CHD6: variants seen among roughly 807,000 people sequenced by gnomAD.
CHD6 encodes the protein chromodomain helicase DNA binding protein 6.
Under a neutral mutation model 276.9 loss-of-function variants are expected in CHD6, and 50 were observed. The observed-to-expected ratio is 0.18, with a 90% CI of 0.14 to 0.23. CHD6 has a LOEUF of 0.23. Ranked by LOEUF, CHD6 falls within the 10% of genes least tolerant of loss-of-function variation. CHD6 has a pLI of 1.00. For missense variants in CHD6, 2,564 were observed against 3,365.8 expected, an observed-to-expected ratio of 0.76 and a Z score of 5.89; for synonymous variants, 1,173 against 1,229.3, an observed-to-expected ratio of 0.95 and a Z score of 0.96.
chr20:41,444,556 G>C (rs1303329987), intron 25 of CHD6, among the ~76,000 whole-genome samples: 1 of 152,200 alleles, frequency 6.6e-6, no homozygotes. Flanking sequence ...TCCAAGTTTT[G>C]AGTGGATTCC....
chr20:41,462,198 T>C (rs2042817807), intron 17 of CHD6, among the ~76,000 whole-genome samples: 1 of 152,234 alleles, frequency 6.6e-6, no homozygotes, highest in East Asian at 1.9e-4. Flanking sequence ...ATATTTTTAG[T>C]TCAAATTATG....
intron 1 of CHD6, among the ~76,000 whole-genome samples, chr20:41,569,395 A>G (rs981763024): frequency 6.6e-6 from 1 of 152,216 alleles, no homozygotes. Context: ...AACTCATACT[A>G]TATTAGCAAA....
At chr20:41,461,191 C>T (rs2048536133) in intron 17 of CHD6, among the ~76,000 whole-genome samples, 1 of 152,216 alleles carries the variant, frequency 6.6e-6, no homozygotes, top group South Asian at 2.1e-4. Context: ...TTTGATTTTA[C>T]AGGCTCATAG....
intron 6 of CHD6, among the ~76,000 whole-genome samples, chr20:41,498,811 A>ATGTATGTGTGTGTG (rs1555796111): frequency 1.0e-4 from 9 of 86,552 alleles, no homozygotes; most frequent in Non-Finnish European, 2.0e-4. Context: ...GTATGTATGT[A>ATGTATGTGTGTGTG]TGTGTGTGTG....
chr20:41,434,971 G>A lies in CHD6; in HGVS notation c.4068+2303C>T, dbSNP rs73123235. Among the ~76,000 whole-genome samples the A allele has an allele frequency of 9.9e-3, 1,509 of 152,134 alleles. 11 individuals carry two copies. The highest frequency in any genetic ancestry group is 0.019 in the Non-Finnish European group (1,267 of 67,998). ...TATACCAAGATATACCATACACTGG[G>A]CCATAAAACAAACTTAACAAATTTA... On this transcript the variant is annotated intron_variant, in intron 27 of 36. Coordinates refer to ENST00000373233, the MANE Select transcript of CHD6 (RefSeq NM_032221.5).
At chr20:41,451,244 G>A in intron 22 of CHD6, 139 bp from the exon 23 acceptor site, 2 of 674,858 alleles carry the variant, frequency 3.0e-6, no homozygotes, top group Non-Finnish European at 5.0e-6. Context: ...TTAGCCCACA[G>A]GTGGTGGTGG....
chr20:41,475,645 A>G (rs993867345), intron 16 of CHD6, among the ~76,000 whole-genome samples: 1 of 152,242 alleles, frequency 6.6e-6, no homozygotes, highest in Non-Finnish European at 1.5e-5. Flanking sequence ...TTGAGATTCA[A>G]TTAAAGAACA....
intron 17 of CHD6, among the ~76,000 whole-genome samples, chr20:41,459,968 C>T (rs2048494547): frequency 6.6e-6 from 1 of 152,140 alleles, no homozygotes. Flanking sequence ...ATGGCTTTGC[C>T]CAAAATGCTG....
At chr20:41,415,100 A>T in intron 34 of CHD6, 86 bp downstream of exon 34, 1 of 1,501,564 alleles carries the variant, frequency 6.7e-7, no homozygotes, top group Non-Finnish European at 8.9e-7. Context: ...TAAAAGATCC[A>T]CAAATTATTT....
intron 8 of CHD6, among the ~76,000 whole-genome samples, 155 bp from the exon 9 acceptor site, chr20:41,494,099 A>G (rs987054048): frequency 6.6e-6 from 1 of 152,244 alleles, no homozygotes; most frequent in African/African-American, 2.4e-5. Flanking sequence ...GCATTTATTC[A>G]CTGTCTCCAA....
intron 27 of CHD6, 90 bp from the exon 28 acceptor site, chr20:41,426,243 C>T (rs112319372): frequency 1.0e-5 from 9 of 889,962 alleles, no homozygotes; most frequent in African/African-American, 3.3e-5. Context: ...GTAAGCATCA[C>T]GCATAAGAGC....
chr20:41,505,945 T>TA (rs2043966487), intron 5 of CHD6, among the ~76,000 whole-genome samples: 1 of 152,184 alleles, frequency 6.6e-6, no homozygotes, highest in African/African-American at 2.4e-5. Context: ...CCACCTGAGT[T>TA]AGAGTAAATT....
Position 41,473,166 on chromosome 20 carries a change from CA to C in CHD6, c.2664+155del, listed in dbSNP as rs2043094303. On this transcript the variant is annotated intron_variant, in intron 17 of 36. Coordinates refer to ENST00000373233, the MANE Select transcript of CHD6 (RefSeq NM_032221.5). The surrounding 1 kb of genome is among the most constrained non-coding windows in gnomAD (Gnocchi z 4.1). ...GTTGGAAGGGTCGACATTTACTTTTCATTCAGTTTCACCCCCTGACCAAGGC... is the reference window on the plus strand; with the variant it reads ...GTTGGAAGGGTCGACATTTACTTTTCTTCAGTTTCACCCCCTGACCAAGGC... 1 of 592,810 alleles carries C rather than the reference CA, an allele frequency of 1.7e-6. No individual in the cohort carries two copies. Among genetic ancestry groups the C allele is most frequent in the Admixed American group, 3.1e-5 (1 of 31,992 alleles). The allele number at this position is 592,810 out of a possible 1,614,324, so 36.7% of individuals were successfully genotyped here. A position where few individuals can be genotyped will look rare whatever the true frequency, so the allele number is the denominator to read the frequency against.
Position 41,617,415 on chromosome 20 carries a change from T to G in CHD6, c.-24+925A>C, listed in dbSNP as rs540886008. Reference sequence around the variant, plus strand: ...AAGTGCCTGCTTATGCATTTTTAATTGTATCAAATAAAACTGAAGCTGCAA... The same window carrying G: ...AAGTGCCTGCTTATGCATTTTTAATGGTATCAAATAAAACTGAAGCTGCAA... On this transcript the variant is annotated intron_variant, in intron 1 of 36. Transcript: ENST00000373233. Among the ~76,000 whole-genome samples, 77 of 152,072 alleles carry G rather than the reference T, an allele frequency of 5.1e-4. 1 individual carries two copies. Among genetic ancestry groups the G allele is most frequent in the African/African-American group, 1.6e-3 (68 of 41,546 alleles).
At chr20:41,467,937 G>A (rs1308231230) in intron 17 of CHD6, among the ~76,000 whole-genome samples, 5 of 151,946 alleles carry the variant, frequency 3.3e-5, no homozygotes, top group Admixed American at 1.3e-4. Flanking sequence ...CAGACGTGCC[G>A]CCTATTCACA....
chr20:41,426,070 C>T, intron 28 of CHD6, 23 bp downstream of exon 28: 2 of 1,542,430 alleles, frequency 1.3e-6, no homozygotes, highest in Non-Finnish European at 1.8e-6. Flanking sequence ...CTTTCCTATG[C>T]CTTCAGAAGG....
intron 27 of CHD6, among the ~76,000 whole-genome samples, chr20:41,427,587 C>T (rs551717499): frequency 3.0e-4 from 46 of 152,282 alleles, no homozygotes; most frequent in Middle Eastern, 3.4e-3. Flanking sequence ...TTTCAACTAA[C>T]AAGCTGTCTA....
chr20:41,575,898 C>A (rs569265695), intron 1 of CHD6, among the ~76,000 whole-genome samples: 1 of 152,118 alleles, frequency 6.6e-6, no homozygotes, highest in East Asian at 1.9e-4. Flanking sequence ...GATGCTATGC[C>A]ATAAAATCCC....
chr20:41,506,890 G>A (rs769026217), intron 5 of CHD6, among the ~76,000 whole-genome samples: 14 of 152,218 alleles, frequency 9.2e-5, no homozygotes, highest in Non-Finnish European at 1.8e-4. Context: ...AATAAATAAT[G>A]TTAGGAGATT....
Sources: allele counts gnomAD v4.1 joint callset (sites outside exome capture counted in the v4.1 genomes callset), GRCh38; gene constraint gnomAD v4.1.1; non-coding constraint Gnocchi (gnomAD v3.1); transcripts MANE v1.5; gene names NCBI Gene and HGNC (gene_info 2026-07-23, HGNC 2026-07-21).